PIGN: variants seen among roughly 807,000 people sequenced by gnomAD.
The protein encoded by PIGN is phosphatidylinositol glycan anchor biosynthesis class N.
Under a neutral mutation model 125.4 loss-of-function variants are expected in PIGN, and 117 were observed. The ratio of observed to expected loss-of-function variants is 0.93; its 90% CI spans 0.80 to 1.09. PIGN has a LOEUF of 1.09. PIGN is among the 50% of genes least tolerant of loss of function. The pLI is 0.00. For missense variants in PIGN, 1,075 were observed against 1,094.9 expected, an observed-to-expected ratio of 0.98 and a Z score of 0.26; for synonymous variants, 392 against 377.8, an observed-to-expected ratio of 1.04 and a Z score of -0.44.
rs1380950626 is a variant in PIGN, at chr18:62,175,037, TATTA to T, written c.-235-11385_-235-11382del. ...ATAAACATTATATATATTAGATATA[TATTA>T]TAAATATATATTTTTATATATAATA... On this transcript the variant is annotated intron_variant, in intron 1 of 30. Transcript: ENST00000640252. 5.5e-4 allele frequency among the ~76,000 whole-genome samples: 79 copies of T among 144,908 alleles called. No individual in the cohort carries two copies. The East Asian group carries it at 0.014, about 26-fold the overall frequency.
intron 30 of PIGN, chr18:62,052,993 TAA>T (rs2031439687): frequency 2.6e-6 from 1 of 378,190 alleles, no homozygotes; most frequent in Admixed American, 4.5e-5. Flanking sequence ...AAGAATCTGC[TAA>T]AATTATGAAG....
intron 14 of PIGN, among the ~76,000 whole-genome samples, chr18:62,115,516 CA>C (rs1166344862): frequency 6.6e-6 from 1 of 151,942 alleles, no homozygotes; most frequent in Admixed American, 6.6e-5. Context: ...TTTCATAGGC[CA>C]AAAACTACTA....
At chr18:62,150,692 AT>A (rs113980926) in intron 7 of PIGN, among the ~76,000 whole-genome samples, 12 of 134,298 alleles carry the variant, frequency 8.9e-5, no homozygotes, top group African/African-American at 3.0e-4. Context: ...ATGAAGAGTT[AT>A]TTTTTTTGTT....
In PIGN at chr18:62,157,743, G is replaced by C. The variant is rs761973204; in HGVS notation, c.287C>G (p.Pro96Arg). 1.9e-6 allele frequency: 3 copies of C among 1,612,448 alleles called. No individual in the cohort carries two copies. The highest frequency in any genetic ancestry group is 2.5e-6 in the Non-Finnish European group (3 of 1,179,054). ...CCCAGCTATCAGAGCTACATGACCT[G>C]GCCGAGATTCTGTTGGCACACGTGT... ...SHTRVPTESR[P>R]GHVALIAGFY... The change falls in exon 5 of 31, where the codon CCA becomes CGA. Residue 96 changes from proline to arginine, a missense_variant. By Grantham distance (103) the Pro-to-Arg change is moderately radical (BLOSUM62 -2). Transcript: ENST00000640252.
intron 24 of PIGN, among the ~76,000 whole-genome samples, chr18:62,089,380 C>A (rs1371746938): frequency 6.6e-6 from 1 of 152,092 alleles, no homozygotes; most frequent in Non-Finnish European, 1.5e-5. Context: ...TGCTTAATCA[C>A]CCTCCACAAA....
At chr18:62,131,001 T>C (rs2035714942) in intron 14 of PIGN, among the ~76,000 whole-genome samples, 1 of 151,908 alleles carries the variant, frequency 6.6e-6, no homozygotes, top group African/African-American at 2.4e-5. Flanking sequence ...TGCACAGAAG[T>C]TTTTTTTAAA....
chr18:62,061,323 T>G (rs2032108835), intron 30 of PIGN, among the ~76,000 whole-genome samples: 1 of 151,760 alleles, frequency 6.6e-6, no homozygotes, highest in South Asian at 2.1e-4. Flanking sequence ...ACTATAAACA[T>G]TACAGATACA....
chr18:62,074,668 A>C, intron 29 of PIGN, 111 bp downstream of exon 29: 1 of 645,396 alleles, frequency 1.5e-6, no homozygotes, highest in Non-Finnish European at 2.7e-6. Context: ...GCCAGCACTT[A>C]CAACTCAACA....
At chr18:62,051,185 G>A (rs1047894288) in intron 30 of PIGN, among the ~76,000 whole-genome samples, 15 of 151,850 alleles carry the variant, frequency 9.9e-5, no homozygotes, top group Middle Eastern at 3.4e-3. Context: ...GTCTCTGCCC[G>A]GCTTTGGTAT....
intron 1 of PIGN, among the ~76,000 whole-genome samples, chr18:62,185,984 C>A (rs1024123992): frequency 6.6e-6 from 1 of 150,390 alleles, no homozygotes; most frequent in Admixed American, 6.6e-5. Flanking sequence ...GATAAAGAAT[C>A]GTTTGGGACA....
At chr18:62,029,305 C>G (rs540227488) in intron 23 of PIGN, among the ~76,000 whole-genome samples, 8 of 152,300 alleles carry the variant, frequency 5.3e-5, no homozygotes, top group African/African-American at 1.9e-4. Context: ...CATATTCCCA[C>G]CAGCCTTTCT....
intron 30 of PIGN, among the ~76,000 whole-genome samples, chr18:62,063,172 A>C (rs1233884167): frequency 6.6e-6 from 1 of 151,762 alleles, no homozygotes; most frequent in Non-Finnish European, 1.5e-5. Context: ...TAAAAAACTT[A>C]AGCCTCCCAA....
chr18:62,147,715 T>C (rs1228752201), intron 8 of PIGN, among the ~76,000 whole-genome samples: 1 of 152,200 alleles, frequency 6.6e-6, no homozygotes, highest in Non-Finnish European at 1.5e-5. Flanking sequence ...ATCTTCCTTT[T>C]ACTTATGGTC....
At chr18:62,114,172 G>A (rs1304936899) in intron 15 of PIGN, among the ~76,000 whole-genome samples, 1 of 152,094 alleles carries the variant, frequency 6.6e-6, no homozygotes, top group African/African-American at 2.4e-5. Flanking sequence ...GACCAGCCTG[G>A]CCAACATGGC....
Position 62,029,911 on chromosome 18 carries a change from C to T in PIGN, c.2143-12170G>A, listed in dbSNP as rs1241716225. On this transcript the variant is annotated intron_variant, in intron 23 of 24. Coordinates refer to the PIGN transcript ENST00000639600. Reference sequence around the variant, plus strand: ...TGAAGGAGCAGGTCTACCAGATAAACTAAGAGGTCCCTTGAGTGAGCCTCT... The same window carrying T: ...TGAAGGAGCAGGTCTACCAGATAAATTAAGAGGTCCCTTGAGTGAGCCTCT... Among the ~76,000 whole-genome samples, 8 of 152,314 alleles carry T rather than the reference C, an allele frequency of 5.3e-5. No homozygotes were observed. The East Asian group carries it at 1.5e-3, about 29-fold the overall frequency.
intron 23 of PIGN, among the ~76,000 whole-genome samples, chr18:62,032,827 G>A (rs539588300): frequency 2.0e-5 from 3 of 152,296 alleles, no homozygotes; most frequent in Admixed American, 6.5e-5. Context: ...TTAAAACAGC[G>A]TCTGGCACAT....
intron 30 of PIGN, among the ~76,000 whole-genome samples, chr18:62,063,088 G>A (rs114348659): frequency 3.1e-3 from 470 of 149,428 alleles, no homozygotes; most frequent in African/African-American, 0.011. Flanking sequence ...TGAGAGGAAG[G>A]GAAAACAAAA....
At chr18:62,166,020 A>C (rs1319940602) in intron 1 of PIGN, among the ~76,000 whole-genome samples, 1 of 152,204 alleles carries the variant, frequency 6.6e-6, no homozygotes, top group Non-Finnish European at 1.5e-5. Context: ...TTCCTAAGCT[A>C]TTAGAGACTA....
chr18:62,148,789 T>C (rs1435131825), intron 7 of PIGN, among the ~76,000 whole-genome samples: 2 of 152,190 alleles, frequency 1.3e-5, no homozygotes, highest in Admixed American at 6.5e-5. Context: ...TAATCTCTAA[T>C]GTAGAACATT....
Sources: allele counts gnomAD v4.1 joint callset (sites outside exome capture counted in the v4.1 genomes callset), GRCh38; gene constraint gnomAD v4.1.1; transcripts MANE v1.5; gene names NCBI Gene and HGNC (gene_info 2026-07-23, HGNC 2026-07-21).